The following ERICH3 variants were observed in gnomAD, a reference collection of about 807,000 sequenced individuals.
ERICH3 encodes the protein glutamate-rich protein 3.
Under a neutral mutation model 131.1 loss-of-function variants are expected in ERICH3, and 126 were observed. That is an observed-to-expected ratio of 0.96 (90% confidence interval 0.83 to 1.11). ERICH3 has a LOEUF of 1.11. Among genes scored for constraint, ERICH3 ranks in the 50% most tolerant of loss-of-function variants. The pLI, the probability that ERICH3 is intolerant of heterozygous loss-of-function variation, is 0.00. For missense variants in ERICH3, 2,050 were observed against 1,810.7 expected, an observed-to-expected ratio of 1.13 and a Z score of -2.40; for synonymous variants, 695 against 644.6, an observed-to-expected ratio of 1.08 and a Z score of -1.18.
At position 74,572,198 on chromosome 1, in the gene ERICH3, G is replaced by C; in HGVS notation, c.3512C>G (p.Thr1171Arg). Reference protein sequence around the residue: ...PGFEKSLENITALRKEGGGER... With the variant: ...PGFEKSLENIRALRKEGGGER... Reference sequence around the variant, plus strand: ...CCCTCCTCCTTCTTTCCTCAGAGCTGTTATGTTTTCCAGCGACTTTTCAAA... The same window carrying C: ...CCCTCCTCCTTCTTTCCTCAGAGCTCTTATGTTTTCCAGCGACTTTTCAAA... The change falls in exon 14 of 15, where the codon ACA becomes AGA. Residue 1171 changes from threonine to arginine, a missense_variant. Coordinates refer to ENST00000326665, the MANE Select transcript of ERICH3 (RefSeq NM_001002912.5). 1.2e-6 allele frequency: 2 copies of C among 1,614,148 alleles called. No homozygotes were observed. Among genetic ancestry groups the C allele is most frequent in the Non-Finnish European group, 1.7e-6 (2 of 1,180,022 alleles).
chr1:74,589,954 G>A lies in ERICH3; in HGVS notation c.1853C>T (p.Ser618Leu), dbSNP rs749884818. 3.1e-6 allele frequency: 5 copies of A among 1,613,978 alleles called. No homozygotes were observed. Among genetic ancestry groups the A allele is most frequent in the Non-Finnish European group, 4.2e-6 (5 of 1,179,942 alleles). ...ATTTTCACTCAGTTCCTGAGAAGAT[G>A]ACCTTCTGGCACTTTCATCTGTGCT... is the stretch of plus-strand genomic sequence containing the variant. ...DSSTDESARR[S>L]SSQELSENDK... Residue 618 changes from serine to leucine, a missense_variant, in exon 12 of 15, where the codon TCA (serine) becomes TTA (leucine). By Grantham distance (145) the Ser-to-Leu change is moderately radical. Coordinates refer to ENST00000326665, the MANE Select transcript of ERICH3 (RefSeq NM_001002912.5).
chr1:74,621,867 G>C (rs1212680703), intron 7 of ERICH3: 1 of 152,132 alleles, frequency 6.6e-6, no homozygotes, highest in Non-Finnish European at 1.5e-5. Context: ...AGACTTTAAG[G>C]GGGGCTAGTA....
Position 74,571,495 on chromosome 1 carries a change from T to C in ERICH3, c.4215A>G (p.Val1405=). 4 of 1,614,124 alleles carry C rather than the reference T, an allele frequency of 2.5e-6. No individual in the cohort carries two copies. In the East Asian group the frequency reaches 6.7e-5, roughly 27 times the overall value. The change falls in exon 14 of 15, where the codon GTA becomes GTG. Residue 1405 remains valine (V), a synonymous_variant. Transcript: ENST00000326665. ...CCTCCCCACTCCGTGCTAATTCCTC[T>C]ACCACCACCTTCCCTGCAGCTGCTG... is the stretch of plus-strand genomic sequence containing the variant. ...GKTAAAGKVV[V]EELARSGEEV...
chr1:74,581,104 T>C (rs546638305), intron 12 of ERICH3, among the ~76,000 whole-genome samples: 7 of 152,246 alleles, frequency 4.6e-5, no homozygotes, highest in Admixed American at 3.3e-4. Context: ...TCTTCCAAAT[T>C]AATGAATTTT....
chr1:74,650,817 C>T (rs1029518828), intron 1 of ERICH3, among the ~76,000 whole-genome samples: 13 of 150,292 alleles, frequency 8.6e-5, no homozygotes, highest in African/African-American at 2.9e-4. Flanking sequence ...AGTGAAATCA[C>T]GGATAAGAGG....
At chr1:74,645,452 T>C (rs925672866) in intron 3 of ERICH3, among the ~76,000 whole-genome samples, 4 of 151,646 alleles carry the variant, frequency 2.6e-5, no homozygotes, top group African/African-American at 7.3e-5. Flanking sequence ...ATATATTACA[T>C]ATTAACATTT....
intron 10 of ERICH3, among the ~76,000 whole-genome samples, chr1:74,606,261 C>G (rs533658304): frequency 6.6e-6 from 1 of 151,998 alleles, no homozygotes; most frequent in African/African-American, 2.4e-5. Flanking sequence ...TCATGAAAAA[C>G]AGTACATTCA....
rs541571049 is a variant in ERICH3 at position 74,591,195 on chromosome 1, C to T, written c.1727-1115G>A. ...ATTTTGAGCTCTGCAGAAGCAGAAG[C>T]TGAGATGAAGATTCATGTGTGAGAA... On this transcript the variant is annotated intron_variant, in intron 11 of 14. Transcript: ENST00000326665. 7.2e-5 allele frequency among the ~76,000 whole-genome samples: 11 copies of T among 152,190 alleles called. No homozygotes were observed. The South Asian group carries it at 2.3e-3, about 32-fold the overall frequency.
rs1326371094 is a variant in ERICH3 at position 74,581,490 on chromosome 1, AT to A, written c.2177-4555del. Reference sequence around the variant, plus strand: ...TTGCAATTAATTAATTATCCAGTGAATTTTTTTCTCTTAGATCCAAGAATTA... The same window carrying A: ...TTGCAATTAATTAATTATCCAGTGAATTTTTTCTCTTAGATCCAAGAATTA... On this transcript the variant is annotated intron_variant, in intron 12 of 14. Transcript: ENST00000326665. 3.9e-5 allele frequency among the ~76,000 whole-genome samples: 6 copies of A among 152,092 alleles called. No individual in the cohort carries two copies. The East Asian group carries it at 7.7e-4, about 20-fold the overall frequency.
chr1:74,670,546 A>T (rs1050024223), intron 1 of ERICH3, among the ~76,000 whole-genome samples: 2 of 152,194 alleles, frequency 1.3e-5, no homozygotes, highest in Non-Finnish European at 2.9e-5. Flanking sequence ...CCCAAATAAT[A>T]CTTTTATAAT....
chr1:74,588,440 G>A (rs1472559650), intron 12 of ERICH3, among the ~76,000 whole-genome samples: 1 of 152,068 alleles, frequency 6.6e-6, no homozygotes, highest in Non-Finnish European at 1.5e-5. Context: ...AATAATATTG[G>A]TTGAAGTAAT....
intron 3 of ERICH3, among the ~76,000 whole-genome samples, chr1:74,643,577 G>C (rs1364986244): frequency 6.6e-6 from 1 of 152,080 alleles, no homozygotes; most frequent in East Asian, 1.9e-4. Context: ...ACATAATGCA[G>C]GATAAAAGCA....
chr1:74,672,522 C>G (rs896633046), intron 1 of ERICH3, among the ~76,000 whole-genome samples: 1 of 152,106 alleles, frequency 6.6e-6, no homozygotes, highest in Non-Finnish European at 1.5e-5. Context: ...GGTATAAGTT[C>G]CAACACAACG....
At chr1:74,614,640 G>C (rs1409454858) in intron 8 of ERICH3, among the ~76,000 whole-genome samples, 2 of 147,688 alleles carry the variant, frequency 1.4e-5, no homozygotes, top group Non-Finnish European at 3.0e-5. Context: ...TCACGCCACT[G>C]AACTCCAGCC....
Position 74,570,029 on chromosome 1 carries a change from T to G in ERICH3, c.*429A>C, listed in dbSNP as rs1257096225. 2 of 152,142 alleles carry G rather than the reference T, an allele frequency of 1.3e-5. No homozygotes were observed. The highest frequency in any genetic ancestry group is 6.5e-5 in the Admixed American group (1 of 15,270). The allele number at this position is 152,142 out of a possible 1,614,324, so 9.4% of individuals were successfully genotyped here. On this transcript the variant is annotated 3_prime_UTR_variant, in exon 15 of 15. Transcript: ENST00000326665. The stretch of plus-strand genomic sequence containing the variant: ...CACAGATTTTTAAATAAAATTCCCA[T>G]GTATGAAATTGAGATTGTGGAATTG...
At chr1:74,665,827 GGAC>G (rs942703033) in intron 1 of ERICH3, among the ~76,000 whole-genome samples, 5 of 152,102 alleles carry the variant, frequency 3.3e-5, no homozygotes, top group Non-Finnish European at 5.9e-5. Context: ...CTGAGGGTTA[GGAC>G]TTCAACATAT....
chr1:74,603,378 G>A (rs1426577505), intron 10 of ERICH3, among the ~76,000 whole-genome samples: 1 of 151,836 alleles, frequency 6.6e-6, no homozygotes, highest in African/African-American at 2.4e-5. Context: ...CAATTTCCCA[G>A]CCTGTAAAAT....
intron 13 of ERICH3, 122 bp downstream of exon 13, chr1:74,576,773 A>G: frequency 2.3e-6 from 2 of 876,010 alleles, no homozygotes; most frequent in Non-Finnish European, 3.6e-6. Flanking sequence ...ACACTTCTTA[A>G]AAGTCATTCA....
intron 1 of ERICH3, among the ~76,000 whole-genome samples, chr1:74,659,598 A>G (rs74095107): frequency 2.4e-3 from 362 of 152,356 alleles, no homozygotes; most frequent in African/African-American, 8.2e-3. Context: ...CTGAAGGTAC[A>G]ATCCAACCAA....
Sources: allele counts gnomAD v4.1 joint callset (sites outside exome capture counted in the v4.1 genomes callset), GRCh38; gene constraint gnomAD v4.1.1; transcripts MANE v1.5; gene names NCBI Gene and HGNC (gene_info 2026-07-23, HGNC 2026-07-21).